The following POT1 variants were observed in gnomAD, a reference collection of about 807,000 sequenced individuals.
POT1 encodes protection of telomeres protein 1.
A neutral mutation model predicts 78.5 loss-of-function variants in POT1; 47 were observed. The observed-to-expected ratio is 0.60, with a 90% CI of 0.47 to 0.76. The LOEUF is 0.76. POT1 is among the 30% of genes least tolerant of loss of function. POT1 has a pLI of 0.00. For missense variants in POT1, 646 were observed against 749.9 expected (o/e 0.86, Z 1.62); for synonymous variants, 259 against 260.7 (o/e 0.99, Z 0.06).
chr7:124,907,526 C>T (rs1384344731), intron 3 of POT1, among the ~76,000 whole-genome samples: 1 of 152,060 alleles, frequency 6.6e-6, no homozygotes, highest in Non-Finnish European at 1.5e-5. Flanking sequence ...GATGAATAGG[C>T]AGAGCACAGA....
At chr7:124,919,107 TAG>T (rs1797085816) in intron 2 of POT1, among the ~76,000 whole-genome samples, 1 of 152,190 alleles carries the variant, frequency 6.6e-6, no homozygotes, top group Admixed American at 6.5e-5. Flanking sequence ...CTATACAATA[TAG>T]CTTATTGCTT....
intron 12 of POT1, among the ~76,000 whole-genome samples, chr7:124,844,292 C>T (rs1176287460): frequency 6.6e-6 from 1 of 151,452 alleles, no homozygotes; most frequent in Non-Finnish European, 1.5e-5. Context: ...CCACGCCCAG[C>T]TAATTTTTGT....
chr7:124,830,309 A>G (rs1584749853), intron 15 of POT1, among the ~76,000 whole-genome samples: 1 of 152,284 alleles, frequency 6.6e-6, no homozygotes, highest in South Asian at 2.1e-4. Flanking sequence ...TGAGATGTTG[A>G]TAAGAAAATA....
chr7:124,877,840 CAAAAAAAAAAAAAAA>C lies in POT1; in HGVS notation c.125-6814_125-6800del, dbSNP rs201285982. 4.6e-4 allele frequency among the ~76,000 whole-genome samples: 37 copies of C among 80,558 alleles called. 1 individual carries two copies. The highest frequency in any genetic ancestry group is 7.5e-4 in the South Asian group (2 of 2,656). The allele number at this position is 80,558 out of a possible 152,430, so 52.8% of individuals were successfully genotyped here. A position where few individuals can be genotyped will look rare whatever the true frequency, so the allele number is the denominator to read the frequency against. On this transcript the variant is annotated intron_variant, in intron 6 of 18. Transcript: ENST00000357628. ...TGGGCGACAGAGAGAGATTCTGTCTCAAAAAAAAAAAAAAAAAAAAAAAAAAAAAGAGTGATCACT... is the reference window on the plus strand; with the variant it reads ...TGGGCGACAGAGAGAGATTCTGTCTCAAAAAAAAAAAAAAGAGTGATCACT...
At chr7:124,848,602 G>A in intron 11 of POT1, 1 of 200,410 alleles carries the variant, frequency 5.0e-6, no homozygotes, top group East Asian at 1.9e-4. Flanking sequence ...GGTGGAGGCT[G>A]CAATGAGCCG....
chr7:124,822,399 G>A lies in POT1; in HGVS notation c.*1563C>T. ...AACCAAAAGAAATCATGATAAGGTG[G>A]ATGTTTATTTAAAACAAAAATAAGA... On this transcript the variant is annotated 3_prime_UTR_variant, in exon 19 of 19. Transcript: ENST00000357628. 3.1e-6 allele frequency: 1 copy of A among 319,160 alleles called. No homozygotes were observed. The highest frequency in any genetic ancestry group is 6.6e-6 in the Non-Finnish European group (1 of 151,198). 19.8% of individuals were successfully genotyped at this position (319,160 alleles called of 1,614,324 possible).
chr7:124,843,510 G>A (rs1584758836), intron 12 of POT1, among the ~76,000 whole-genome samples: 1 of 152,210 alleles, frequency 6.6e-6, no homozygotes, highest in East Asian at 1.9e-4. Flanking sequence ...GTTGGAAGGA[G>A]GGAGTGGAGG....
At chr7:124,867,342 T>C (rs1287448059) in intron 7 of POT1, among the ~76,000 whole-genome samples, 3 of 152,280 alleles carry the variant, frequency 2.0e-5, no homozygotes, top group Admixed American at 2.0e-4. Flanking sequence ...AATAATTTCA[T>C]GTTCACATTT....
At chr7:124,829,529 A>AT in intron 15 of POT1, among the ~76,000 whole-genome samples, 187 bp from the exon 16 acceptor site, 1 of 152,214 alleles carries the variant, frequency 6.6e-6, no homozygotes, top group South Asian at 2.1e-4. Context: ...AGCTTATTAC[A>AT]TAAGGGCAAT....
At chr7:124,861,724 T>A (rs1167824606) in intron 8 of POT1, among the ~76,000 whole-genome samples, 1 of 152,244 alleles carries the variant, frequency 6.6e-6, no homozygotes, top group Non-Finnish European at 1.5e-5. Flanking sequence ...TTCTAGGGTT[T>A]TTATGGTTTT....
intron 6 of POT1, among the ~76,000 whole-genome samples, chr7:124,887,931 C>T (rs921871398): frequency 6.6e-6 from 1 of 152,070 alleles, no homozygotes; most frequent in Non-Finnish European, 1.5e-5. Flanking sequence ...TAAAACCTTA[C>T]ATTATCATAT....
chr7:124,922,545 A>G (rs1797176892), intron 2 of POT1, among the ~76,000 whole-genome samples: 1 of 152,022 alleles, frequency 6.6e-6, no homozygotes, highest in Non-Finnish European at 1.5e-5. Context: ...GACATGAGAA[A>G]TAACAACTGT....
At chr7:124,895,008 C>T (rs1796459335) in intron 5 of POT1, among the ~76,000 whole-genome samples, 2 of 151,602 alleles carry the variant, frequency 1.3e-5, no homozygotes, top group South Asian at 4.1e-4. Context: ...TTTATGACAT[C>T]CTAACAACTC....
intron 6 of POT1, among the ~76,000 whole-genome samples, chr7:124,889,467 T>C (rs1165053971): frequency 6.6e-6 from 1 of 152,006 alleles, no homozygotes; most frequent in African/African-American, 2.4e-5. Flanking sequence ...CCAGAAGACC[T>C]AAGATCATCA....
At chr7:124,925,011 G>C (rs1584534852) in intron 2 of POT1, among the ~76,000 whole-genome samples, 2 of 151,812 alleles carry the variant, frequency 1.3e-5, no homozygotes, top group East Asian at 3.9e-4. Context: ...ACATAATACT[G>C]AATTGGGGAA....
chr7:124,905,845 G>C (rs531098052), intron 3 of POT1, among the ~76,000 whole-genome samples: 1 of 152,164 alleles, frequency 6.6e-6, no homozygotes, highest in East Asian at 1.9e-4. Flanking sequence ...ACTGACATTT[G>C]TCAAAAGAAG....
chr7:124,924,896 T>C (rs1388870448), intron 2 of POT1, among the ~76,000 whole-genome samples: 2 of 151,996 alleles, frequency 1.3e-5, no homozygotes, highest in Non-Finnish European at 2.9e-5. Flanking sequence ...GAAAAAGCAT[T>C]TGATAAAATT....
chr7:124,828,972 A>C, intron 16 of POT1: 1 of 647,300 alleles, frequency 1.5e-6, no homozygotes, highest in South Asian at 1.4e-5. Context: ...CTGAATGCCA[A>C]ATTCTGAGAA....
intron 14 of POT1, among the ~76,000 whole-genome samples, chr7:124,837,485 T>A (rs1794926846): frequency 6.6e-6 from 1 of 152,054 alleles, no homozygotes; most frequent in African/African-American, 2.4e-5. Flanking sequence ...GATAAAATGG[T>A]TCCATTTCTT....
Sources: allele counts gnomAD v4.1 joint callset (sites outside exome capture counted in the v4.1 genomes callset), GRCh38; gene constraint gnomAD v4.1.1; transcripts MANE v1.5; gene names NCBI Gene and HGNC (gene_info 2026-07-23, HGNC 2026-07-21).